Variants in ABCB4 observed in about 807,000 individuals in gnomAD.
ABCB4 encodes the protein phosphatidylcholine translocator ABCB4.
Under a neutral mutation model 145.7 loss-of-function variants are expected in ABCB4, and 76 were observed. The observed-to-expected ratio is 0.52, with a 90% CI of 0.43 to 0.63. ABCB4 has a LOEUF of 0.63. Among genes scored for constraint, ABCB4 ranks in the 30% least tolerant of loss-of-function variants. The pLI is 0.00. For synonymous variants in ABCB4, 517 were observed against 566.8 expected (o/e 0.91, Z 1.25); for missense variants, 1,234 against 1,553.1 (o/e 0.79, Z 3.45).
intron 23 of ABCB4, 58 bp downstream of exon 23, chr7:87,411,835 G>T: frequency 6.4e-7 from 1 of 1,553,832 alleles, no homozygotes; most frequent in Non-Finnish European, 8.8e-7. Context: ...CTAAACTTTT[G>T]CATAAACCTA....
rs768511012 is a variant in ABCB4 at position 87,444,941 on chromosome 7, A to G, written c.1040T>C (p.Val347Ala). 4.4e-6 allele frequency: 7 copies of G among 1,606,386 alleles called. No homozygotes were observed. The East Asian group carries it at 1.3e-4, about 31-fold the overall frequency. ...FFSILIGAFS[V>A]GQAAPCIDAF... ...ATCAATACATGGGGCAGCCTGGCCA[A>G]CACTGAAAGCTCCAATTAGGATTGA... Residue 347 changes from valine (V) to alanine (A), a missense_variant, in exon 10 of 28, where the codon GTT becomes GCT. This residue lies in a region of ABCB4 where 467 missense variants were observed against 632.8 expected (regional missense o/e 0.74). Coordinates refer to ENST00000649586, the MANE Select transcript of ABCB4 (RefSeq NM_000443.4).
intron 26 of ABCB4, 80 bp from the exon 27 acceptor site, chr7:87,403,361 T>C: frequency 7.6e-7 from 1 of 1,318,614 alleles, no homozygotes; most frequent in Non-Finnish European, 1.1e-6. Context: ...GAAAAACATT[T>C]AGAGTCAATA....
chr7:87,400,309 C>T (rs1264208649), downstream of ABCB4, among the ~76,000 whole-genome samples: 2 of 152,178 alleles, frequency 1.3e-5, no homozygotes, highest in Admixed American at 1.3e-4. Flanking sequence ...ATCTGCCAGA[C>T]ATTTTAATAT....
chr7:87,467,297 CAAAG>C (rs1224904533), intron 3 of ABCB4, among the ~76,000 whole-genome samples: 1 of 152,120 alleles, frequency 6.6e-6, no homozygotes, highest in African/African-American at 2.4e-5. Context: ...TCAAAAGAGA[CAAAG>C]AAGGCCATTA....
Position 87,460,438 on chromosome 7 carries a change from C to T in ABCB4, c.286+2320G>A, listed in dbSNP as rs868843618. 3.3e-5 allele frequency among the ~76,000 whole-genome samples: 5 copies of T among 151,342 alleles called. 1 individual carries two copies. The South Asian group carries it at 1.0e-3, about 32-fold the overall frequency. On this transcript the variant is annotated intron_variant, in intron 4 of 27. Transcript: ENST00000649586. ...TATTTGGTTTTTCAACACTTGCTGC[C>T]CTCCCTCCCCTCTCTAGTAGATCTC...
In ABCB4 at chr7:87,431,385, A is replaced by G. The variant is rs1562968606; in HGVS notation, c.1893+19T>C. On this transcript the variant is annotated intron_variant, in intron 15 of 27. Transcript: ENST00000649586. ...TATTGAGGAGCAAATAGCAGAAAAA[A>G]TTCCTGAAAAGCAAGTACCTGCATG... The G allele has an allele frequency of 1.2e-6, 2 of 1,613,992 alleles. No homozygotes were observed. Among genetic ancestry groups the G allele is most frequent in the East Asian group, 2.2e-5 (1 of 44,858 alleles).
chr7:87,470,056 A>G (rs2116963825), intron 3 of ABCB4, among the ~76,000 whole-genome samples: 1 of 152,344 alleles, frequency 6.6e-6, no homozygotes, highest in South Asian at 2.1e-4. Flanking sequence ...GCCCTCAGAA[A>G]TAATACCATA....
Position 87,408,216 on chromosome 7 carries a change from T to C in ABCB4, c.3100A>G (p.Ile1034Val). ...GLKPDKFEGN[I>V]TFNEVVFNYP... Reference sequence around the variant, plus strand: ...TTGAACACGACTTCATTAAATGTTATATTTCCTTCAAATTTATCCTGAATA... The same window carrying C: ...TTGAACACGACTTCATTAAATGTTACATTTCCTTCAAATTTATCCTGAATA... The change falls in exon 25 of 28, where the codon ATA becomes GTA. Residue 1034 changes from isoleucine to valine, a missense_variant. Around this residue, in one of 7 missense-constraint regions of ABCB4, gnomAD observed 301 missense variants for 389.0 expected, o/e 0.77. Transcript: ENST00000649586. The C allele has an allele frequency of 6.2e-7, 1 of 1,614,146 alleles. No homozygotes were observed. The highest frequency in any genetic ancestry group is 8.5e-7 in the Non-Finnish European group (1 of 1,179,980).
intron 4 of ABCB4, among the ~76,000 whole-genome samples, chr7:87,455,255 C>G (rs1304777976): frequency 6.6e-6 from 1 of 152,132 alleles, no homozygotes; most frequent in Non-Finnish European, 1.5e-5. Flanking sequence ...TTTTTTGAAG[C>G]AGTATTAATT....
chr7:87,384,126 T>G, the ABCB4 span, among the ~76,000 whole-genome samples: 1 of 152,140 alleles, frequency 6.6e-6, no homozygotes. Flanking sequence ...TTAACTAGGG[T>G]GAGGTGATGT....
chr7:87,472,793 G>T, intron 2 of ABCB4, 118 bp from the exon 3 acceptor site: 1 of 796,120 alleles, frequency 1.3e-6, no homozygotes, highest in Non-Finnish European at 2.1e-6. Context: ...TAAGAGTGAT[G>T]TTCACAAAAT....
At chr7:87,475,565 G>A in intron 1 of ABCB4, 69 bp downstream of exon 1, 2 of 1,220,596 alleles carry the variant, frequency 1.6e-6, no homozygotes, top group Non-Finnish European at 2.4e-6. Context: ...TGGAGGTCCG[G>A]CCACTCCCGC....
At chr7:87,452,297 C>T (rs1057144145) in intron 6 of ABCB4, 5 of 182,680 alleles carry the variant, frequency 2.7e-5, no homozygotes, top group South Asian at 1.2e-4. Flanking sequence ...AAACTTCCAG[C>T]GGCTGCCATT....
the ABCB4 span, among the ~76,000 whole-genome samples, chr7:87,393,280 T>TGCAGAACACTGTTTCAAGTCGATC: frequency 6.6e-6 from 1 of 151,938 alleles, no homozygotes; most frequent in Admixed American, 6.6e-5. Flanking sequence ...TAGGTGTCTT[T>TGCAGAACACTGTTTCAAGTCGATC]ATGCAGAACA....
the ABCB4 span, among the ~76,000 whole-genome samples, chr7:87,389,688 G>A: frequency 6.6e-6 from 1 of 152,140 alleles, no homozygotes; most frequent in African/African-American, 2.4e-5. Flanking sequence ...GGGTTGATGG[G>A]TGCAGCAAAC....
rs150346348 is a variant in ABCB4 at position 87,440,382 on chromosome 7, A to G, written c.1377T>C (p.Asp459=). ...GATAGTTTACATTAAAGTTCCTAAT[A>G]TCCTGCCCATCAATGTTAATCTGAA... is the stretch of plus-strand genomic sequence containing the variant. The part of the protein sequence containing the change: ...DEGTINIDGQ[D]IRNFNVNYLR... The change falls in exon 13 of 28, where the codon GAT becomes GAC. Residue 459 remains aspartate (D), a synonymous_variant. Coordinates refer to ENST00000649586, the MANE Select transcript of ABCB4 (RefSeq NM_000443.4). 8.7e-6 allele frequency: 14 copies of G among 1,614,066 alleles called. No individual in the cohort carries two copies. The African/African-American group carries it at 1.6e-4, about 18-fold the overall frequency.
At chr7:87,372,613 C>A in the ABCB4 span, among the ~76,000 whole-genome samples, 2 of 152,024 alleles carry the variant, frequency 1.3e-5, no homozygotes, top group East Asian at 1.9e-4. Context: ...CTTAAAAAAA[C>A]CCAAAAGTTC....
Position 87,401,768 on chromosome 7 carries a change from C to T in ABCB4, c.*328G>A, listed in dbSNP as rs1202009132. ...TCCCAAACTTTCCTGTCTACCCAAC[C>T]CATTCAGGACCATAAGACCATTTCC... On this transcript the variant is annotated 3_prime_UTR_variant, in exon 28 of 28. Transcript: ENST00000649586. The T allele has an allele frequency of 2.6e-6, 1 of 379,394 alleles. No homozygotes were observed. The highest frequency in any genetic ancestry group is 5.0e-6 in the Non-Finnish European group (1 of 201,320). The allele number at this position is 379,394 out of a possible 1,614,324, so 23.5% of individuals were successfully genotyped here. A position where few individuals can be genotyped will look rare whatever the true frequency, so the allele number is the denominator to read the frequency against.
intron 26 of ABCB4, 123 bp from the exon 27 acceptor site, chr7:87,403,404 AGT>A (rs1807948717): frequency 2.2e-6 from 2 of 914,074 alleles, no homozygotes; most frequent in African/African-American, 3.3e-5. Flanking sequence ...AACTTAACAG[AGT>A]GTTTATTTTC....
Sources: allele counts gnomAD v4.1 joint callset (sites outside exome capture counted in the v4.1 genomes callset), GRCh38; gene constraint gnomAD v4.1.1; regional missense constraint gnomAD v4.1.1; transcripts MANE v1.5; gene names NCBI Gene and HGNC (gene_info 2026-07-23, HGNC 2026-07-21).